ITGBL1: variants seen among roughly 807,000 people sequenced by gnomAD.
ITGBL1 encodes integrin beta-like protein 1.
In ITGBL1, 51 loss-of-function variants were observed where a neutral mutation model predicts 68.5. The ratio of observed to expected loss-of-function variants is 0.74; its 90% CI spans 0.59 to 0.94. The LOEUF is 0.94. Ranked by LOEUF, ITGBL1 falls within the 40% of genes least tolerant of loss-of-function variation. The probability of loss-of-function intolerance (pLI) is 0.00; values close to 1 mark genes in which losing one functional copy is unlikely to be tolerated. For missense variants in ITGBL1, 649 were observed against 647.4 expected, an observed-to-expected ratio of 1.00 and a Z score of -0.03; for synonymous variants, 209 against 227.3, an observed-to-expected ratio of 0.92 and a Z score of 0.72.
intron 7 of ITGBL1, among the ~76,000 whole-genome samples, chr13:101,675,446 T>A (rs992541568): frequency 2.0e-5 from 3 of 152,274 alleles, no homozygotes; most frequent in Non-Finnish European, 4.4e-5. Flanking sequence ...AAGACAAAGA[T>A]TTAAGTAAGG....
intron 2 of ITGBL1, among the ~76,000 whole-genome samples, chr13:101,460,493 A>G (rs1033675635): frequency 1.3e-5 from 2 of 152,240 alleles, no homozygotes; most frequent in African/African-American, 2.4e-5. Flanking sequence ...AGTGACGTAT[A>G]AAAGTTAAAT....
intron 9 of ITGBL1, among the ~76,000 whole-genome samples, chr13:101,709,370 TCAAAAAA>T (rs1358229557): frequency 1.1e-4 from 1 of 9,292 alleles, no homozygotes; most frequent in African/African-American, 6.5e-4. Flanking sequence ...AGACTCCGTC[TCAAAAAA>T]AAAAAAAAAA....
At chr13:101,685,245 A>T (rs1295217796) in intron 7 of ITGBL1, among the ~76,000 whole-genome samples, 1 of 152,014 alleles carries the variant, frequency 6.6e-6, no homozygotes, top group African/African-American at 2.4e-5. Context: ...TATGGCCTTC[A>T]CTATGACTTT....
Position 101,485,601 on chromosome 13 carries a change from G to A in ITGBL1, c.316+31501G>A, listed in dbSNP as rs191594482. Reference sequence around the variant, plus strand: ...GGGCTGATCACGAGGTCAGGAGATCGAGACCACAGTGAAACCCCGTCTCTA... The same window carrying A: ...GGGCTGATCACGAGGTCAGGAGATCAAGACCACAGTGAAACCCCGTCTCTA... On this transcript the variant is annotated intron_variant, in intron 2 of 10. Transcript: ENST00000376180. Among the ~76,000 whole-genome samples the A allele has an allele frequency of 1.6e-4, 24 of 152,184 alleles. 1 individual carries two copies. The highest frequency in any genetic ancestry group is 1.3e-4 in the Non-Finnish European group (9 of 68,004).
chr13:101,559,975 G>A (rs1180136743), intron 2 of ITGBL1, among the ~76,000 whole-genome samples: 4 of 152,072 alleles, frequency 2.6e-5, no homozygotes, highest in African/African-American at 4.8e-5. Context: ...ATATTCTTCC[G>A]TTGTCCACAT....
intron 2 of ITGBL1, among the ~76,000 whole-genome samples, chr13:101,458,212 G>T (rs1187079091): frequency 1.3e-5 from 2 of 152,316 alleles, no homozygotes; most frequent in South Asian, 2.1e-4. Context: ...GCTCCATTGA[G>T]CCAGGGGTTA....
At chr13:101,617,994 T>G (rs1009278219) in intron 7 of ITGBL1, among the ~76,000 whole-genome samples, 14 of 152,206 alleles carry the variant, frequency 9.2e-5, no homozygotes, top group African/African-American at 3.4e-4. Context: ...AATCATTCAC[T>G]CAATGTGATT....
At chr13:101,555,605 G>A (rs754638076) in intron 2 of ITGBL1, among the ~76,000 whole-genome samples, 5 of 151,934 alleles carry the variant, frequency 3.3e-5, no homozygotes, top group Non-Finnish European at 7.4e-5. Context: ...CACAGACAAC[G>A]CACACAAGAA....
chr13:101,598,171 G>A lies in ITGBL1; in HGVS notation c.887G>A (p.Cys296Tyr). ...DFCSGHGQCN[C>Y]GRCDCKAGWY... ...TGTGAAGGTCATGGACAGTGTAATT[G>A]CGGAAGATGTGACTGCAAAGCAGGC... is the stretch of plus-strand genomic sequence containing the variant. Residue 296 changes from cysteine (C) to tyrosine (Y), a missense_variant, in exon 7 of 11, where the codon TGC becomes TAC. Physicochemically the swap from Cys to Tyr is radical, Grantham distance 194. Coordinates refer to ENST00000376180, the MANE Select transcript of ITGBL1 (RefSeq NM_004791.3). 2.5e-6 allele frequency: 4 copies of A among 1,613,256 alleles called. No homozygotes were observed. The highest frequency in any genetic ancestry group is 3.4e-6 in the Non-Finnish European group (4 of 1,179,642).
intron 6 of ITGBL1, among the ~76,000 whole-genome samples, chr13:101,591,916 A>G (rs2050662394): frequency 1.3e-5 from 2 of 152,144 alleles, no homozygotes; most frequent in South Asian, 4.1e-4. Flanking sequence ...ACTTGCTTAT[A>G]ATGTGGGAAC....
intron 2 of ITGBL1, among the ~76,000 whole-genome samples, chr13:101,500,443 A>T (rs2048923181): frequency 1.3e-5 from 2 of 152,206 alleles, no homozygotes; most frequent in Admixed American, 1.3e-4. Context: ...TATCTGTGTG[A>T]ATCCTTTCTT....
chr13:101,532,372 T>C (rs1223139874), intron 2 of ITGBL1, among the ~76,000 whole-genome samples: 3 of 152,228 alleles, frequency 2.0e-5, no homozygotes, highest in Non-Finnish European at 4.4e-5. Context: ...TCCTAGTTGT[T>C]CTGCTTAATA....
At chr13:101,552,618 C>CTTA (rs2049939556) in intron 2 of ITGBL1, among the ~76,000 whole-genome samples, 1 of 152,118 alleles carries the variant, frequency 6.6e-6, no homozygotes, top group Non-Finnish European at 1.5e-5. Flanking sequence ...ATTAACTACC[C>CTTA]ACTTTACAAC....
At chr13:101,657,140 C>T (rs1289071927) in intron 7 of ITGBL1, among the ~76,000 whole-genome samples, 2 of 152,086 alleles carry the variant, frequency 1.3e-5, no homozygotes, top group African/African-American at 4.8e-5. Context: ...TATAATGAAG[C>T]TTGTACAGTG....
intron 9 of ITGBL1, among the ~76,000 whole-genome samples, chr13:101,708,026 A>AACACAC (rs3062945): frequency 0.021 from 3,052 of 144,350 alleles, 38 homozygotes; most frequent in Middle Eastern, 0.045. Flanking sequence ...CACACATGCA[A>AACACAC]ACACACACAC....
In ITGBL1 at chr13:101,499,391, C is replaced by T. The variant is rs553717585; in HGVS notation, c.316+45291C>T. Among the ~76,000 whole-genome samples, 561 of 152,278 alleles carry T rather than the reference C, an allele frequency of 3.7e-3. 2 individuals carry two copies. The highest frequency in any genetic ancestry group is 0.014 in the Middle Eastern group (4 of 294). On this transcript the variant is annotated intron_variant, in intron 2 of 10. Transcript: ENST00000376180. ...TGCAATTACATAGAGGTACTCAGTA[C>T]AAAATATATTGTATCAGCAGCATAG...
At chr13:101,685,099 C>A (rs1452220513) in intron 7 of ITGBL1, among the ~76,000 whole-genome samples, 4 of 151,894 alleles carry the variant, frequency 2.6e-5, no homozygotes, top group Admixed American at 2.0e-4. Context: ...TTATTTCAGA[C>A]AAATTTGAGA....
At chr13:101,558,123 C>T (rs1382751569) in intron 2 of ITGBL1, among the ~76,000 whole-genome samples, 1 of 116,268 alleles carries the variant, frequency 8.6e-6, no homozygotes, top group Non-Finnish European at 1.7e-5. Context: ...AAAAGCCTAA[C>T]GAGAAGGTAA....
chr13:101,466,726 CA>C (rs1206202342), intron 2 of ITGBL1, among the ~76,000 whole-genome samples: 2 of 152,096 alleles, frequency 1.3e-5, no homozygotes, highest in East Asian at 3.9e-4. Flanking sequence ...ATATTTAGCA[CA>C]AAAAATAGGT....
Sources: gnomAD v4.1 joint callset for allele counts (sites outside exome capture counted in the v4.1 genomes callset) on GRCh38, gnomAD v4.1.1 for gene constraint, MANE v1.5 for transcripts, NCBI Gene and HGNC (gene_info 2026-07-23, HGNC 2026-07-21) for gene names.